The following ZDHHC15 variants were observed in gnomAD, a reference collection of about 807,000 sequenced individuals.
The protein encoded by ZDHHC15 is palmitoyltransferase ZDHHC15.
A neutral mutation model predicts 31.7 loss-of-function variants in ZDHHC15; 19 were observed. The ratio of observed to expected loss-of-function variants is 0.60; its 90% CI spans 0.42 to 0.88. The LOEUF is 0.88. ZDHHC15 is among the 40% of genes least tolerant of loss of function. The pLI is 0.00. For synonymous variants in ZDHHC15, 103 were observed against 90.0 expected, an observed-to-expected ratio of 1.14 and a Z score of -0.82; for missense variants, 209 against 251.2, an observed-to-expected ratio of 0.83 and a Z score of 1.14.
chrX:75,378,226 A>G (rs1369814842), intron 11 of ZDHHC15, among the ~76,000 whole-genome samples: 1 of 112,302 alleles, frequency 8.9e-6, no homozygotes, highest in Non-Finnish European at 1.9e-5. Context: ...AGACTTGGAT[A>G]AGTGATTTAA....
chrX:75,438,267 G>T (rs1339001245), intron 4 of ZDHHC15, among the ~76,000 whole-genome samples: 1 of 111,632 alleles, frequency 9.0e-6, no homozygotes, highest in Non-Finnish European at 1.9e-5. Flanking sequence ...GAGTAGTGAA[G>T]TCCCCCGCTA....
intron 3 of ZDHHC15, among the ~76,000 whole-genome samples, chrX:75,477,683 T>C (rs184646444): frequency 2.6e-4 from 29 of 112,036 alleles, no homozygotes; most frequent in African/African-American, 8.7e-4. Context: ...ACCCTTGCTC[T>C]GTTTTGATTA....
intron 1 of ZDHHC15, among the ~76,000 whole-genome samples, chrX:75,511,681 G>A (rs760490471): frequency 1.9e-5 from 2 of 105,768 alleles, no homozygotes; most frequent in Admixed American, 1.0e-4. Context: ...GGACCAGATG[G>A]ATTCACAGCC....
At chrX:75,460,707 G>C (rs1448718022) in intron 3 of ZDHHC15, among the ~76,000 whole-genome samples, 1 of 110,889 alleles carries the variant, frequency 9.0e-6, no homozygotes, top group African/African-American at 3.3e-5. Context: ...CTATAGGAGA[G>C]TGACCTGACT....
chrX:75,433,511 T>A (rs2083807342), intron 4 of ZDHHC15, among the ~76,000 whole-genome samples: 1 of 109,977 alleles, frequency 9.1e-6, no homozygotes, highest in Admixed American at 9.8e-5. Flanking sequence ...CTCTCACTCA[T>A]AATTGAAAAC....
intron 2 of ZDHHC15, among the ~76,000 whole-genome samples, chrX:75,492,032 G>A (rs777793322): frequency 1.8e-5 from 2 of 111,486 alleles, no homozygotes; most frequent in East Asian, 5.6e-4. Flanking sequence ...TCAGTGTGCT[G>A]TATTCAGGAA....
At chrX:75,422,706 C>T (rs1043378256) in intron 8 of ZDHHC15, among the ~76,000 whole-genome samples, 1 of 111,523 alleles carries the variant, frequency 9.0e-6, no homozygotes, top group Non-Finnish European at 1.9e-5. Flanking sequence ...TTTTCCACTT[C>T]GTAGCTGGTC....
intron 2 of ZDHHC15, among the ~76,000 whole-genome samples, chrX:75,483,026 TAC>T (rs1363251297): frequency 6.7e-5 from 7 of 104,536 alleles, no homozygotes; most frequent in Admixed American, 4.3e-4. Context: ...TGTATATATA[TAC>T]ACACACATAC....
intron 11 of ZDHHC15, among the ~76,000 whole-genome samples, chrX:75,377,809 C>G (rs1413207737): frequency 9.0e-6 from 1 of 111,279 alleles, no homozygotes; most frequent in Non-Finnish European, 1.9e-5. Context: ...TGTAGTAAAA[C>G]CCCTGAGAAT....
rs1196413456 is a variant in ZDHHC15, at chrX:75,455,176, C to A, written c.259-4254G>T. ...TACTGGTACCAAAACAGAGATATAG[C>A]CCAATGGAACAGAACAGAGGCCTCA... is the stretch of plus-strand genomic sequence containing the variant. On this transcript the variant is annotated intron_variant, in intron 3 of 11. Coordinates refer to ENST00000373367, the MANE Select transcript of ZDHHC15 (RefSeq NM_144969.3). Among the ~76,000 whole-genome samples, 5 of 111,138 alleles carry A rather than the reference C, an allele frequency of 4.5e-5. 1 individual carries two copies. The highest frequency in any genetic ancestry group is 9.7e-5 in the Admixed American group (1 of 10,356).
At chrX:75,515,927 G>C (rs373730086) in intron 1 of ZDHHC15, among the ~76,000 whole-genome samples, 6 of 109,952 alleles carry the variant, frequency 5.5e-5, no homozygotes, top group East Asian at 2.8e-4. Flanking sequence ...ACAAGCATTC[G>C]TATACACCAA....
chrX:75,389,891 G>A (rs2083222149), intron 10 of ZDHHC15, among the ~76,000 whole-genome samples: 1 of 112,376 alleles, frequency 8.9e-6, no homozygotes, highest in African/African-American at 3.2e-5. Flanking sequence ...CAGTGAGGAA[G>A]AGCACCAAGC....
At position 75,375,819 on chromosome X, in the gene ZDHHC15, C is replaced by G. The variant is rs957394808; in HGVS notation, c.*33-2874G>C. Among the ~76,000 whole-genome samples, 3 of 111,637 alleles carry G rather than the reference C, an allele frequency of 2.7e-5. No individual in the cohort carries two copies. The Admixed American group carries it at 2.9e-4, about 11-fold the overall frequency. On this transcript the variant is annotated intron_variant, in intron 11 of 11. Transcript: ENST00000373367. ...TTGTCTAGTCCTCTGTTGATGGACA[C>G]CTAGGTTGATTGCATGTCTTTGCTG...
At chrX:75,403,011 C>T (rs1384703470) in intron 10 of ZDHHC15, among the ~76,000 whole-genome samples, 1 of 111,821 alleles carries the variant, frequency 8.9e-6, no homozygotes, top group African/African-American at 3.2e-5. Flanking sequence ...CAAACTGAAT[C>T]CAGCAGCATA....
At chrX:75,509,764 T>G (rs2085231835) in intron 1 of ZDHHC15, among the ~76,000 whole-genome samples, 1 of 112,457 alleles carries the variant, frequency 8.9e-6, no homozygotes, top group African/African-American at 3.2e-5. Flanking sequence ...AGCACTTGGG[T>G]GCTTTGCACA....
At chrX:75,399,914 A>C (rs1350780025) in intron 10 of ZDHHC15, among the ~76,000 whole-genome samples, 1 of 111,750 alleles carries the variant, frequency 8.9e-6, no homozygotes, top group African/African-American at 3.3e-5. Flanking sequence ...AATCAGCTTC[A>C]AATAAAGACA....
chrX:75,464,545 T>A (rs1056757035), intron 3 of ZDHHC15, among the ~76,000 whole-genome samples: 1 of 111,715 alleles, frequency 9.0e-6, no homozygotes, highest in African/African-American at 3.2e-5. Flanking sequence ...TTGATAAACA[T>A]TGATGTAAAA....
intron 10 of ZDHHC15, among the ~76,000 whole-genome samples, chrX:75,389,050 A>T (rs925248615): frequency 2.7e-5 from 3 of 111,415 alleles, no homozygotes; most frequent in African/African-American, 9.8e-5. Flanking sequence ...TGAACTTGGG[A>T]GAGGGAGAGT....
chrX:75,457,645 TCACACACACACA>T (rs35992807), intron 3 of ZDHHC15, among the ~76,000 whole-genome samples: 3 of 93,916 alleles, frequency 3.2e-5, no homozygotes, highest in African/African-American at 7.7e-5. Flanking sequence ...TTATTTACAC[TCACACACACACA>T]CACACACACA....
Sources: allele counts gnomAD v4.1 joint callset (sites outside exome capture counted in the v4.1 genomes callset), GRCh38; gene constraint gnomAD v4.1.1; transcripts MANE v1.5; gene names NCBI Gene and HGNC (gene_info 2026-07-23, HGNC 2026-07-21).